Variants in DLG2 observed in about 807,000 individuals in gnomAD.
The protein encoded by DLG2 is disks large homolog 2.
A neutral mutation model predicts 132.5 loss-of-function variants in DLG2; 45 were observed. The observed-to-expected ratio is 0.34, with a 90% CI of 0.27 to 0.44. DLG2 has a LOEUF of 0.44. DLG2 is among the 20% of genes least tolerant of loss of function. The pLI is 1.00. For synonymous variants in DLG2, 424 were observed against 419.6 expected (o/e 1.01, Z -0.13); for missense variants, 1,045 against 1,196.9 (o/e 0.87, Z 1.87).
At chr11:84,522,521 A>C (rs2099306898) in intron 7 of DLG2, among the ~76,000 whole-genome samples, 1 of 152,188 alleles carries the variant, frequency 6.6e-6, no homozygotes, top group Admixed American at 6.5e-5. Flanking sequence ...GCCAATTCAG[A>C]AGGAACAAAT....
chr11:83,743,246 G>T (rs2153722537), intron 18 of DLG2, among the ~76,000 whole-genome samples: 1 of 152,154 alleles, frequency 6.6e-6, no homozygotes, highest in South Asian at 2.1e-4. Flanking sequence ...GTAACTTCTA[G>T]CACCCTTGTC....
At chr11:83,616,664 C>A (rs1306081602) in intron 19 of DLG2, among the ~76,000 whole-genome samples, 1 of 152,134 alleles carries the variant, frequency 6.6e-6, no homozygotes, top group Non-Finnish European at 1.5e-5. Context: ...TGTAGTTCAT[C>A]AATATTTTCC....
intron 6 of DLG2, among the ~76,000 whole-genome samples, chr11:85,005,547 G>C (rs570870451): frequency 6.6e-6 from 1 of 152,214 alleles, no homozygotes; most frequent in South Asian, 2.1e-4. Context: ...TTGGTGTATA[G>C]GAATGCTTGT....
At position 83,938,137 on chromosome 11, in the gene DLG2, A is replaced by G. The variant is rs560279981; in HGVS notation, c.1341-7654T>C. Among the ~76,000 whole-genome samples, 8 of 152,352 alleles carry G rather than the reference A, an allele frequency of 5.3e-5. No homozygotes were observed. The South Asian group carries it at 1.7e-3, about 32-fold the overall frequency. ...TCACATGACGGTTTATTGTTTAACC[A>G]TTAAAGTTAATATTCATAAAACATT... On this transcript the variant is annotated intron_variant, in intron 14 of 27. Coordinates refer to ENST00000376104, the MANE Select transcript of DLG2 (RefSeq NM_001142699.3).
chr11:83,810,024 T>C (rs556734059), intron 17 of DLG2, among the ~76,000 whole-genome samples: 1 of 152,278 alleles, frequency 6.6e-6, no homozygotes, highest in African/African-American at 2.4e-5. Context: ...ATAAAAAGCA[T>C]AAATCACTCA....
At chr11:84,815,424 T>G (rs756796922) in intron 6 of DLG2, among the ~76,000 whole-genome samples, 2 of 152,020 alleles carry the variant, frequency 1.3e-5, no homozygotes, top group Non-Finnish European at 2.9e-5. Context: ...ACATGAAACG[T>G]TTCTGCTTCC....
intron 3 of DLG2, among the ~76,000 whole-genome samples, chr11:85,438,067 A>G (rs1403300472): frequency 6.6e-6 from 1 of 152,216 alleles, no homozygotes; most frequent in Non-Finnish European, 1.5e-5. Flanking sequence ...GCTTCTACTC[A>G]TGGTGGAAGG....
intron 6 of DLG2, among the ~76,000 whole-genome samples, chr11:84,806,308 TAACA>T (rs1302140850): frequency 6.6e-6 from 1 of 151,848 alleles, no homozygotes; most frequent in African/African-American, 2.4e-5. Flanking sequence ...AAACAAATCA[TAACA>T]AACAGATTCA....
At chr11:83,972,571 T>C (rs1390098497) in intron 12 of DLG2, among the ~76,000 whole-genome samples, 7 of 152,138 alleles carry the variant, frequency 4.6e-5, no homozygotes, top group Non-Finnish European at 1.0e-4. Flanking sequence ...TTAGATCATA[T>C]TCATCTCTAT....
chr11:83,890,074 A>G (rs2069275862), intron 15 of DLG2, among the ~76,000 whole-genome samples: 1 of 152,132 alleles, frequency 6.6e-6, no homozygotes, highest in South Asian at 2.1e-4. Flanking sequence ...ACTAACCTGC[A>G]CATTGTGCAC....
intron 10 of DLG2, among the ~76,000 whole-genome samples, chr11:84,063,089 T>A: frequency 6.6e-6 from 1 of 152,124 alleles, no homozygotes. Flanking sequence ...AGCCTGGGCA[T>A]CAAAAGCGAT....
intron 13 of DLG2, among the ~76,000 whole-genome samples, chr11:83,963,365 A>G (rs2089350910): frequency 6.6e-6 from 1 of 152,064 alleles, no homozygotes; most frequent in East Asian, 1.9e-4. Context: ...TTCAGAGCTC[A>G]CATTGTTTTC....
intron 6 of DLG2, among the ~76,000 whole-genome samples, chr11:85,022,818 G>A (rs1252166751): frequency 2.6e-5 from 4 of 151,878 alleles, no homozygotes; most frequent in Non-Finnish European, 4.4e-5. Flanking sequence ...TAAGAACCAG[G>A]TGCAATGCAT....
chr11:84,810,408 C>T (rs992072989), intron 6 of DLG2, among the ~76,000 whole-genome samples: 2 of 152,072 alleles, frequency 1.3e-5, no homozygotes, highest in Admixed American at 6.6e-5. Flanking sequence ...AGTAATTAGA[C>T]ACTAAGGACA....
intron 3 of DLG2, among the ~76,000 whole-genome samples, chr11:85,510,524 GA>G (rs1054446189): frequency 4.7e-5 from 7 of 148,336 alleles, no homozygotes; most frequent in Non-Finnish European, 7.5e-5. Context: ...AAATTTACAA[GA>G]AAAAAAAACA....
At chr11:83,682,302 G>A (rs748161675) in intron 18 of DLG2, 20 of 985,124 alleles carry the variant, frequency 2.0e-5, no homozygotes, top group Non-Finnish European at 2.2e-5. Context: ...ACTCACTAGC[G>A]GAACCTGATG....
intron 3 of DLG2, among the ~76,000 whole-genome samples, chr11:85,508,619 C>G (rs960982716): frequency 2.0e-5 from 3 of 151,962 alleles, no homozygotes; most frequent in Non-Finnish European, 4.4e-5. Flanking sequence ...TGATATATCT[C>G]TAGTTTCTAG....
intron 7 of DLG2, among the ~76,000 whole-genome samples, chr11:84,361,465 T>C (rs1301746120): frequency 6.6e-6 from 1 of 151,898 alleles, no homozygotes; most frequent in Non-Finnish European, 1.5e-5. Context: ...AATCTAGAAA[T>C]CTATAACCTG....
chr11:84,978,940 T>G (rs973825088), intron 6 of DLG2, among the ~76,000 whole-genome samples: 2 of 152,054 alleles, frequency 1.3e-5, no homozygotes, highest in African/African-American at 4.8e-5. Flanking sequence ...ATATCCAGAA[T>G]CTACCAAGAA....
Sources: allele counts gnomAD v4.1 joint callset (sites outside exome capture counted in the v4.1 genomes callset), GRCh38; gene constraint gnomAD v4.1.1; transcripts MANE v1.5; gene names NCBI Gene and HGNC (gene_info 2026-07-23, HGNC 2026-07-21).